The following SPATA31H1 variants were observed in gnomAD, a reference collection of about 807,000 sequenced individuals.
SPATA31H1 encodes the protein SPATA31 subfamily H member 1, also known as spermatogenesis-associated protein 31H1.
the SPATA31H1 span, among the ~76,000 whole-genome samples, chr2:27,564,457 T>C: frequency 2.0e-5 from 3 of 152,174 alleles, no homozygotes; most frequent in Admixed American, 1.3e-4. Context: ...GTTTTTCAAT[T>C]TTCTCCTTAA....
At chr2:27,560,493 T>C in the SPATA31H1 span, among the ~76,000 whole-genome samples, 1 of 151,522 alleles carries the variant, frequency 6.6e-6, no homozygotes, top group East Asian at 1.9e-4. Context: ...AGTCTTGCTC[T>C]GTCACCCAGG....
At chr2:27,566,422 G>C in the SPATA31H1 span, 3 of 712,722 alleles carry the variant, frequency 4.2e-6, no homozygotes, top group African/African-American at 5.3e-5. Flanking sequence ...ATTGAAGGTG[G>C]TAGAGGTTTT....
At chr2:27,538,575 T>C in the SPATA31H1 span, among the ~76,000 whole-genome samples, 2 of 152,130 alleles carry the variant, frequency 1.3e-5, no homozygotes, top group African/African-American at 4.8e-5. Context: ...CTCTCGCCTG[T>C]AATCCCAGCA....
the SPATA31H1 span, chr2:27,580,545 A>C: frequency 6.2e-7 from 1 of 1,614,238 alleles, no homozygotes; most frequent in Non-Finnish European, 8.5e-7. Context: ...TTTAAGAAGG[A>C]AGAGGATTGG....
At chr2:27,578,953 T>C in the SPATA31H1 span, 2 of 1,614,040 alleles carry the variant, frequency 1.2e-6, no homozygotes, top group Non-Finnish European at 1.7e-6. Context: ...ACTTTTCCTT[T>C]GGCCCTTCAT....
the SPATA31H1 span, chr2:27,580,535 T>C: frequency 7.0e-5 from 113 of 1,614,062 alleles, 1 homozygote; most frequent in Middle Eastern, 1.6e-4. Flanking sequence ...TAGCAGCCCA[T>C]TTAAGAAGGA....
At chr2:27,576,949 G>C in the SPATA31H1 span, 3 of 1,613,790 alleles carry the variant, frequency 1.9e-6, no homozygotes, top group African/African-American at 4.0e-5. Flanking sequence ...CCTAGACCAG[G>C]GCATCAGTTT....
chr2:27,545,242 C>T, the SPATA31H1 span, among the ~76,000 whole-genome samples: 81 of 151,388 alleles, frequency 5.4e-4, no homozygotes, highest in Admixed American at 2.4e-3. Context: ...AGACAGGTTT[C>T]GAACTCCTGA....
At chr2:27,571,868 T>A in the SPATA31H1 span, 2 of 398,440 alleles carry the variant, frequency 5.0e-6, no homozygotes, top group East Asian at 7.1e-5. Flanking sequence ...GAGAAGAGTT[T>A]GAAGAAGTAA....
At chr2:27,538,688 A>C in the SPATA31H1 span, among the ~76,000 whole-genome samples, 3 of 151,886 alleles carry the variant, frequency 2.0e-5, no homozygotes, top group African/African-American at 7.3e-5. Flanking sequence ...TAAATTAGCC[A>C]GGCGTGGTGG....
At chr2:27,565,413 A>G in the SPATA31H1 span, 1 of 717,388 alleles carries the variant, frequency 1.4e-6, no homozygotes, top group South Asian at 1.5e-5. Flanking sequence ...TCTTCAGCTC[A>G]AGGTTAATAA....
At chr2:27,569,590 C>T in the SPATA31H1 span, 1 of 398,636 alleles carries the variant, frequency 2.5e-6, no homozygotes, top group Admixed American at 4.4e-5. Context: ...ACCCCAGGGC[C>T]ACAGCTCCAG....
the SPATA31H1 span, chr2:27,577,382 G>T: frequency 6.2e-7 from 1 of 1,614,076 alleles, no homozygotes; most frequent in South Asian, 1.1e-5. This position sits in a 1 kb window ranked among gnomAD's most constrained non-coding sequence, Gnocchi z 4.5. Context: ...CGGAACTCAA[G>T]CATTACTTTA....
the SPATA31H1 span, chr2:27,566,748 G>A: frequency 1.4e-6 from 1 of 693,560 alleles, no homozygotes; most frequent in African/African-American, 1.8e-5. Flanking sequence ...AAGGCTTGTG[G>A]AACAGGATTT....
the SPATA31H1 span, chr2:27,579,163 T>C: frequency 1.2e-6 from 2 of 1,614,196 alleles, no homozygotes; most frequent in Non-Finnish European, 1.7e-6. Flanking sequence ...AAAGGTCTCA[T>C]CAAGTCTTTC....
chr2:27,540,356 G>T, the SPATA31H1 span, among the ~76,000 whole-genome samples: 1 of 109,096 alleles, frequency 9.2e-6, no homozygotes, highest in Non-Finnish European at 1.9e-5. Flanking sequence ...GGGCAGAGGC[G>T]CCCCTCACCT....
chr2:27,574,644 G>A, the SPATA31H1 span: 1 of 398,468 alleles, frequency 2.5e-6, no homozygotes. Context: ...AAAATCTTCT[G>A]AGTTGATTCA....
chr2:27,578,105 A>G, the SPATA31H1 span: 21 of 1,614,024 alleles, frequency 1.3e-5, no homozygotes, highest in East Asian at 4.5e-5. Context: ...AAGTTGTTCA[A>G]TCTGTGAAAG....
chr2:27,567,682 C>T, the SPATA31H1 span: 8 of 400,518 alleles, frequency 2.0e-5, no homozygotes, highest in East Asian at 2.5e-4. Context: ...GAGGAAACTC[C>T]TTTACTGAAG....
Sources: gnomAD v4.1 joint callset for allele counts (sites outside exome capture counted in the v4.1 genomes callset) on GRCh38, gnomAD v4.1.1 for gene constraint, Gnocchi (gnomAD v3.1) non-coding constraint, MANE v1.5 for transcripts, NCBI Gene and HGNC (gene_info 2026-07-23, HGNC 2026-07-21) for gene names.